NUP50: variants seen among roughly 807,000 people sequenced by gnomAD.
NUP50 encodes the protein nuclear pore complex protein Nup50.
NUP50 carries 14 observed loss-of-function variants against 36.8 expected under a neutral mutation model. That is an observed-to-expected ratio of 0.38 (90% CI 0.25 to 0.59). The LOEUF (loss-of-function observed/expected upper bound fraction) is 0.59. Ranked by LOEUF, NUP50 falls within the 20% of genes least tolerant of loss-of-function variation. The pLI is 0.63. For synonymous variants in NUP50, 195 were observed against 210.8 expected (o/e 0.93, Z 0.65); for missense variants, 455 against 564.6 (o/e 0.81, Z 1.97).
Position 45,178,761 on chromosome 22 carries a change from C to G in NUP50, c.864C>G (p.Val288=). 6.2e-7 allele frequency: 1 copy of G among 1,613,892 alleles called. No homozygotes were observed. Among genetic ancestry groups the G allele is most frequent in the Non-Finnish European group, 8.5e-7 (1 of 1,179,902 alleles). Residue 288 remains valine, a synonymous_variant, in exon 5 of 8, where the codon GTC becomes GTG. Coordinates refer to ENST00000347635, the MANE Select transcript of NUP50 (RefSeq NM_007172.4). The stretch of plus-strand genomic sequence containing the variant: ...CTGTTTTGGGCTCATTAAGCTCTGT[C>G]CCCCTGACTGGATTTTCTTTCTCCC... ...DSSVLGSLSS[V]PLTGFSFSPG... is the part of the protein sequence containing the mutation.
chr22:45,164,110 C>T lies in NUP50; in HGVS notation c.-197C>T, dbSNP rs987036443. On this transcript the variant is annotated 5_prime_UTR_variant, in exon 1 of 8. Coordinates refer to ENST00000347635, the MANE Select transcript of NUP50 (RefSeq NM_007172.4). ...CCGAACACAGCGTGAGGAGCCCCCC[C>T]AGGGATATGGTGTTTGAGTCTCTGG... 6 of 152,270 alleles carry T rather than the reference C, an allele frequency of 3.9e-5. No homozygotes were observed. Among genetic ancestry groups the T allele is most frequent in the Non-Finnish European group, 7.3e-5 (5 of 68,086 alleles). The allele number at this position is 152,270 out of a possible 1,614,324, so 9.4% of individuals were successfully genotyped here.
Position 45,178,982 on chromosome 22 carries a change from A to G in NUP50, c.1003+82A>G, listed in dbSNP as rs2074323705. The G allele has an allele frequency of 7.6e-6, 10 of 1,307,264 alleles. No homozygotes were observed. The highest frequency in any genetic ancestry group is 1.1e-5 in the Non-Finnish European group (10 of 949,692). The allele number at this position is 1,307,264 out of a possible 1,614,324, so 81.0% of individuals were successfully genotyped here. A position where few individuals can be genotyped will look rare whatever the true frequency, so the allele number is the denominator to read the frequency against. ...AAACCCAGAGACTTTGATTCCAAAT[A>G]TGAGTCTGGATTCACATTGAGACGT... On this transcript the variant is annotated intron_variant, in intron 5 of 7. Coordinates refer to ENST00000347635, the MANE Select transcript of NUP50 (RefSeq NM_007172.4).
Position 45,165,064 on chromosome 22 carries a change from T to C in NUP50, c.-11+768T>C, listed in dbSNP as rs554920364. 12 of 152,302 alleles carry C rather than the reference T, an allele frequency of 7.9e-5. No homozygotes were observed. In the East Asian group the frequency reaches 2.1e-3, roughly 27 times the overall value. The allele number at this position is 152,302 out of a possible 1,614,324, so 9.4% of individuals were successfully genotyped here. A position where few individuals can be genotyped will look rare whatever the true frequency, so the allele number is the denominator to read the frequency against. ...TCGTTTTAAGGTGATGTTGACAAGT[T>C]GAGCTTTCCAAGGGCAGAGCTACAC... On this transcript the variant is annotated intron_variant, in intron 1 of 7. Transcript: ENST00000347635.
rs1332520339 is a variant in NUP50, at chr22:45,166,667, A to C, written c.-10-1501A>C. ...CCTCTGGTGGAGACATTAGTTAATG[A>C]GTAGGAAAATTGCCAAAAAGAATCC... On this transcript the variant is annotated intron_variant, in intron 1 of 7. Coordinates refer to ENST00000347635, the MANE Select transcript of NUP50 (RefSeq NM_007172.4). 3.4e-5 allele frequency among the ~76,000 whole-genome samples: 5 copies of C among 145,064 alleles called. No homozygotes were observed. In the Admixed American group the frequency reaches 3.5e-4, roughly 10 times the overall value.
chr22:45,183,778 C>T, intron 7 of NUP50: 1 of 388,162 alleles, frequency 2.6e-6, no homozygotes, highest in Non-Finnish European at 4.7e-6. Flanking sequence ...GAGATTAGAC[C>T]ATTTAATGAA....
At chr22:45,169,829 C>G (rs994701731) in intron 2 of NUP50, among the ~76,000 whole-genome samples, 13 of 152,182 alleles carry the variant, frequency 8.5e-5, no homozygotes, top group Admixed American at 5.2e-4. Flanking sequence ...CTCTGCTCCA[C>G]CACCTTCTTG....
intron 4 of NUP50, among the ~76,000 whole-genome samples, chr22:45,176,753 G>T (rs796483309): frequency 5.2e-4 from 79 of 152,176 alleles, no homozygotes; most frequent in African/African-American, 1.8e-3. Flanking sequence ...TGTTGTTGTT[G>T]TTTTTTCTAA....
intron 4 of NUP50, 99 bp from the exon 5 acceptor site, chr22:45,178,139 A>G: frequency 4.7e-6 from 5 of 1,054,270 alleles, no homozygotes; most frequent in Non-Finnish European, 7.0e-6. Flanking sequence ...GGGGGGAGAT[A>G]CAGTAAAAGC....
At position 45,168,261 on chromosome 22, in the gene NUP50, C is replaced by G. The variant is rs776512142; in HGVS notation, c.69+15C>G. 6 of 1,589,774 alleles carry G rather than the reference C, an allele frequency of 3.8e-6. No individual in the cohort carries two copies. In the African/African-American group the frequency reaches 8.1e-5, roughly 22 times the overall value. ...AAGCTGAAGAGGTAAAAAGCAGCTT[C>G]CCTAAGAATGATTTCCTGTTTCTTT... On this transcript the variant is annotated intron_variant, in intron 2 of 7. Coordinates refer to ENST00000347635, the MANE Select transcript of NUP50 (RefSeq NM_007172.4).
chr22:45,169,813 G>A (rs1267492464), intron 2 of NUP50, among the ~76,000 whole-genome samples: 4 of 152,118 alleles, frequency 2.6e-5, no homozygotes, highest in Non-Finnish European at 4.4e-5. Context: ...GAGGAGTCAG[G>A]GAACACTCTG....
chr22:45,173,542 C>T (rs538611873), intron 3 of NUP50, among the ~76,000 whole-genome samples: 1 of 152,130 alleles, frequency 6.6e-6, no homozygotes, highest in Non-Finnish European at 1.5e-5. Context: ...AAGTGGAGTG[C>T]CCTGGAAGAC....
chr22:45,170,541 T>G lies in NUP50; in HGVS notation c.70-1059T>G, dbSNP rs115404138. ...GCCATCTTCCTTCTTTTGGAATCTTTCTGGTACTAGTACTTTTTTTCTCTA... is the reference window on the plus strand; with the variant it reads ...GCCATCTTCCTTCTTTTGGAATCTTGCTGGTACTAGTACTTTTTTTCTCTA... On this transcript the variant is annotated intron_variant, in intron 2 of 7. Transcript: ENST00000347635. Among the ~76,000 whole-genome samples the G allele has an allele frequency of 7.2e-3, 1,100 of 152,348 alleles. 15 individuals are homozygous for G. The highest frequency in any genetic ancestry group is 0.025 in the African/African-American group (1,056 of 41,580).
At position 45,164,120 on chromosome 22, in the gene NUP50, G is replaced by C. The variant is rs1228360570; in HGVS notation, c.-187G>C. On this transcript the variant is annotated 5_prime_UTR_variant, in exon 1 of 8. Coordinates refer to ENST00000347635, the MANE Select transcript of NUP50 (RefSeq NM_007172.4). ...CGTGAGGAGCCCCCCCAGGGATATGGTGTTTGAGTCTCTGGGCTTGCCGAG... is the reference window on the plus strand; with the variant it reads ...CGTGAGGAGCCCCCCCAGGGATATGCTGTTTGAGTCTCTGGGCTTGCCGAG... The C allele has an allele frequency of 6.6e-6, 1 of 152,266 alleles. No individual in the cohort carries two copies. The highest frequency in any genetic ancestry group is 1.5e-5 in the Non-Finnish European group (1 of 68,076). The allele number at this position is 152,266 out of a possible 1,614,324, so 9.4% of individuals were successfully genotyped here. A position where few individuals can be genotyped will look rare whatever the true frequency, so the allele number is the denominator to read the frequency against.
At position 45,166,467 on chromosome 22, in the gene NUP50, A is replaced by T. The variant is rs141191464; in HGVS notation, c.-10-1701A>T. 1,469 of 151,616 alleles carry T rather than the reference A, an allele frequency of 9.7e-3. 92 individuals carry two copies. The East Asian group carries it at 0.14, about 14-fold the overall frequency. 9.4% of individuals were successfully genotyped at this position (151,616 alleles called of 1,614,324 possible). On this transcript the variant is annotated intron_variant, in intron 1 of 7. Transcript: ENST00000347635. ...ACGCCCAGCTAATTTTTTTATTTTTAGTAGAGACGGGGTTTCACCATGTTG... is the reference window on the plus strand; with the variant it reads ...ACGCCCAGCTAATTTTTTTATTTTTTGTAGAGACGGGGTTTCACCATGTTG...
intron 2 of NUP50, among the ~76,000 whole-genome samples, chr22:45,169,432 G>A (rs1184481142): frequency 6.6e-6 from 1 of 152,124 alleles, no homozygotes; most frequent in Non-Finnish European, 1.5e-5. Context: ...CCCAGGTGCC[G>A]AGGCAAGAGA....
chr22:45,172,949 A>G (rs1489762014), intron 3 of NUP50, among the ~76,000 whole-genome samples: 2 of 152,204 alleles, frequency 1.3e-5, no homozygotes, highest in Non-Finnish European at 2.9e-5. Context: ...CCTACATGAA[A>G]TCGATTCTCA....
rs1442762567 is a variant in NUP50 at position 45,164,054 on chromosome 22, C to G, written c.-253C>G. Reference sequence around the variant, plus strand: ...TGTTCGGCGCGGTTCCCCCAGCTGTCTCTGGCTGAACCGGCGCTCTCGCCT... The same window carrying G: ...TGTTCGGCGCGGTTCCCCCAGCTGTGTCTGGCTGAACCGGCGCTCTCGCCT... On this transcript the variant is annotated 5_prime_UTR_variant, in exon 1 of 8. Coordinates refer to ENST00000347635, the MANE Select transcript of NUP50 (RefSeq NM_007172.4). 2 of 152,302 alleles carry G rather than the reference C, an allele frequency of 1.3e-5. No homozygotes were observed. Among genetic ancestry groups the G allele is most frequent in the Non-Finnish European group, 2.9e-5 (2 of 68,100 alleles). The allele number at this position is 152,302 out of a possible 1,614,324, so 9.4% of individuals were successfully genotyped here.
chr22:45,168,134 A>G (rs1407615264), intron 1 of NUP50, 34 bp from the exon 2 acceptor site: 11 of 1,467,360 alleles, frequency 7.5e-6, no homozygotes, highest in South Asian at 2.4e-5. Context: ...TTATTCTTCT[A>G]GAAAAATAAA....
rs2083451116 is a variant in NUP50, at chr22:45,186,707, A to G, written c.*2052A>G. 6.6e-6 allele frequency: 1 copy of G among 152,666 alleles called. No individual in the cohort carries two copies. Among genetic ancestry groups the G allele is most frequent in the Non-Finnish European group, 1.5e-5 (1 of 68,040 alleles). The allele number at this position is 152,666 out of a possible 1,614,324, so 9.5% of individuals were successfully genotyped here. On this transcript the variant is annotated 3_prime_UTR_variant, in exon 8 of 8. Transcript: ENST00000347635. Reference sequence around the variant, plus strand: ...TCCTTTTTTCCTAACATTCCCAGCAAATTTTTGCTGCTAAGACTATCACTG... The same window carrying G: ...TCCTTTTTTCCTAACATTCCCAGCAGATTTTTGCTGCTAAGACTATCACTG...
Sources: allele counts gnomAD v4.1 joint callset (sites outside exome capture counted in the v4.1 genomes callset), GRCh38; gene constraint gnomAD v4.1.1; transcripts MANE v1.5; gene names NCBI Gene and HGNC (gene_info 2026-07-23, HGNC 2026-07-21).